The following RARB variants were observed in gnomAD, a reference collection of about 807,000 sequenced individuals.
RARB encodes the protein HBV-activated protein.
In RARB, 17 loss-of-function variants were observed where a neutral mutation model predicts 51.9. That is an observed-to-expected ratio of 0.33 (90% confidence interval 0.22 to 0.49). The LOEUF is 0.49. Among genes scored for constraint, RARB ranks in the 20% least tolerant of loss-of-function variants. The pLI is 0.99. For synonymous variants in RARB, 215 were observed against 195.4 expected, an observed-to-expected ratio of 1.10 and a Z score of -0.84; for missense variants, 369 against 550.8, an observed-to-expected ratio of 0.67 and a Z score of 3.30.
intron 5 of RARB, among the ~76,000 whole-genome samples, chr3:25,199,173 G>A (rs1197184849): frequency 6.6e-6 from 1 of 152,028 alleles, no homozygotes; most frequent in African/African-American, 2.4e-5. Context: ...AGGACATTAT[G>A]TTAAGTGAAA....
chr3:25,171,985 A>C (rs1700654990), intron 4 of RARB, among the ~76,000 whole-genome samples: 1 of 152,214 alleles, frequency 6.6e-6, no homozygotes, highest in Admixed American at 6.6e-5. Context: ...TCATCAGAGA[A>C]ACAAGTTGTA....
chr3:24,917,341 T>C (rs776397502), intron 2 of RARB, among the ~76,000 whole-genome samples: 1 of 152,208 alleles, frequency 6.6e-6, no homozygotes, highest in African/African-American at 2.4e-5. Context: ...AAAAAATGTA[T>C]GTTTCAAAAT....
At chr3:25,087,049 A>G (rs1457792390) in intron 3 of RARB, among the ~76,000 whole-genome samples, 1 of 152,160 alleles carries the variant, frequency 6.6e-6, no homozygotes, top group Non-Finnish European at 1.5e-5. Flanking sequence ...AAATATGTCC[A>G]AGAAATGCAT....
At chr3:24,931,035 T>G (rs1223905579) in intron 2 of RARB, among the ~76,000 whole-genome samples, 1 of 151,954 alleles carries the variant, frequency 6.6e-6, no homozygotes, top group Non-Finnish European at 1.5e-5. Context: ...AGAGGAAACT[T>G]AAACACTAAG....
intron 2 of RARB, among the ~76,000 whole-genome samples, chr3:24,965,067 T>C (rs531043028): frequency 5.5e-4 from 83 of 152,278 alleles, no homozygotes; most frequent in Non-Finnish European, 9.9e-4. Context: ...CAATAGCCCA[T>C]GTAATCGATT....
intron 5 of RARB, among the ~76,000 whole-genome samples, chr3:25,401,657 A>G (rs1197188575): frequency 6.6e-6 from 1 of 152,250 alleles, no homozygotes; most frequent in Non-Finnish European, 1.5e-5. Context: ...CAGATTGGAC[A>G]CCACAGAAGA....
At chr3:25,587,563 CAG>C (rs746121122) in intron 5 of RARB, among the ~76,000 whole-genome samples, 11 of 152,104 alleles carry the variant, frequency 7.2e-5, no homozygotes, top group African/African-American at 1.4e-4. Flanking sequence ...GTCTGCAAAA[CAG>C]AGACAGTAAC....
At chr3:25,051,903 C>T (rs1698341137) in intron 2 of RARB, among the ~76,000 whole-genome samples, 1 of 152,140 alleles carries the variant, frequency 6.6e-6, no homozygotes, top group Non-Finnish European at 1.5e-5. Flanking sequence ...TGTGAAAAGA[C>T]TTTCTCACAA....
At chr3:25,380,960 C>T (rs2125479122) in intron 5 of RARB, among the ~76,000 whole-genome samples, 1 of 152,278 alleles carries the variant, frequency 6.6e-6, no homozygotes, top group South Asian at 2.1e-4. Flanking sequence ...TCTACCTCGA[C>T]CTTTCCATCT....
At chr3:24,924,362 G>C (rs970333822) in intron 2 of RARB, among the ~76,000 whole-genome samples, 1 of 152,082 alleles carries the variant, frequency 6.6e-6, no homozygotes, top group Non-Finnish European at 1.5e-5. Context: ...GATTTTCTGT[G>C]ACACTGGAAA....
intron 2 of RARB, among the ~76,000 whole-genome samples, chr3:24,887,284 C>A (rs1043621884): frequency 6.6e-6 from 1 of 152,194 alleles, no homozygotes; most frequent in Non-Finnish European, 1.5e-5. Context: ...AAATAATTTT[C>A]TATAAGCTAT....
intron 1 of RARB, among the ~76,000 whole-genome samples, chr3:24,848,533 A>T (rs1424788966): frequency 6.6e-6 from 1 of 152,188 alleles, no homozygotes; most frequent in Non-Finnish European, 1.5e-5. Context: ...GTTTGGGATG[A>T]GCATCTGCGA....
At chr3:24,951,722 A>G (rs565504078) in intron 2 of RARB, among the ~76,000 whole-genome samples, 4 of 152,194 alleles carry the variant, frequency 2.6e-5, no homozygotes, top group African/African-American at 9.7e-5. Context: ...ACCAATGCCA[A>G]TGACCCCCCA....
chr3:25,581,139 C>T (rs1049279010), intron 5 of RARB, among the ~76,000 whole-genome samples: 1 of 152,258 alleles, frequency 6.6e-6, no homozygotes, highest in East Asian at 1.9e-4. Flanking sequence ...ATTCAAGCTT[C>T]CTGTGCGACC....
upstream of RARB, among the ~76,000 whole-genome samples, chr3:25,425,701 ATGT>A (rs1248142473): frequency 3.9e-5 from 6 of 152,198 alleles, no homozygotes; most frequent in African/African-American, 7.2e-5. Flanking sequence ...AGACACACTA[ATGT>A]TGTTATTTTT....
At chr3:25,483,308 A>G (rs369217196) in intron 2 of RARB, among the ~76,000 whole-genome samples, 1 of 152,234 alleles carries the variant, frequency 6.6e-6, no homozygotes, top group Non-Finnish European at 1.5e-5. Flanking sequence ...ATATGTGTAC[A>G]TATATAGTCT....
intron 5 of RARB, among the ~76,000 whole-genome samples, chr3:25,398,354 C>T (rs1402573023): frequency 2.6e-5 from 4 of 152,078 alleles, no homozygotes; most frequent in South Asian, 4.2e-4. Context: ...CACTACTATA[C>T]CAAGGGGAAA....
intron 2 of RARB, among the ~76,000 whole-genome samples, chr3:24,930,826 T>C (rs1695422156): frequency 6.6e-6 from 1 of 152,020 alleles, no homozygotes; most frequent in East Asian, 1.9e-4. Context: ...CTGGGCAACA[T>C]AGTGAGATGG....
chr3:25,003,323 A>G (rs1258598711), intron 2 of RARB, among the ~76,000 whole-genome samples: 1 of 152,092 alleles, frequency 6.6e-6, no homozygotes. Context: ...TGGCAGGGAG[A>G]GCTCAGCATG....
Sources: gnomAD v4.1 joint callset for allele counts (sites outside exome capture counted in the v4.1 genomes callset) on GRCh38, gnomAD v4.1.1 for gene constraint, MANE v1.5 for transcripts, NCBI Gene and HGNC (gene_info 2026-07-23, HGNC 2026-07-21) for gene names.